The following SPN variants were observed in gnomAD, a reference collection of about 807,000 sequenced individuals.
The protein encoded by SPN is leukosialin.
In SPN, 6 loss-of-function variants were observed where a neutral mutation model predicts 8.4. The observed-to-expected ratio is 0.72, with a 90% confidence interval of 0.39 to 1.42. The LOEUF (loss-of-function observed/expected upper bound fraction) is 1.42. Ranked by LOEUF, SPN falls within the 40% of genes most tolerant of loss-of-function variation. SPN has a pLI of 0.02. For missense variants in SPN, 517 were observed against 530.6 expected (o/e 0.97, Z 0.25); for synonymous variants, 201 against 222.6 (o/e 0.90, Z 0.86).
Position 29,665,077 on chromosome 16 carries a change from A to G in SPN, c.*146A>G, listed in dbSNP as rs1347564981. 10 of 1,003,650 alleles carry G rather than the reference A, an allele frequency of 1.0e-5. No homozygotes were observed. Among genetic ancestry groups the G allele is most frequent in the Non-Finnish European group, 1.3e-5 (10 of 767,052 alleles). The allele number at this position is 1,003,650 out of a possible 1,614,324, so 62.2% of individuals were successfully genotyped here. ...ATCTCCTTTTTTTTTTTCTTTTGAG[A>G]CAGAGTTTCGCTTTGTCGCCCAGGC... On this transcript the variant is annotated 3_prime_UTR_variant, in exon 2 of 2. Transcript: ENST00000652691.
At position 29,668,864 on chromosome 16, in the gene SPN, C is replaced by T. The variant is rs1160115415; in HGVS notation, c.*3933C>T. On this transcript the variant is annotated 3_prime_UTR_variant, in exon 2 of 2. Transcript: ENST00000652691. ...ATAATTAAAAAAAAAAAACGTGGAG[C>T]AGATCCAGCGCAGTGGCTCATGCCT... 1 of 166,402 alleles carries T rather than the reference C, an allele frequency of 6.0e-6. No individual in the cohort carries two copies. The highest frequency in any genetic ancestry group is 1.5e-5 in the Non-Finnish European group (1 of 68,016). The allele number at this position is 166,402 out of a possible 1,614,324, so 10.3% of individuals were successfully genotyped here. A position where few individuals can be genotyped will look rare whatever the true frequency, so the allele number is the denominator to read the frequency against.
rs1966793131 is a variant in SPN at position 29,665,085 on chromosome 16, T to C, written c.*154T>C. The C allele has an allele frequency of 1.1e-6, 1 of 902,260 alleles. No individual in the cohort carries two copies. Among genetic ancestry groups the C allele is most frequent in the South Asian group, 5.8e-5 (1 of 17,378 alleles). The allele number at this position is 902,260 out of a possible 1,614,324, so 55.9% of individuals were successfully genotyped here. A position where few individuals can be genotyped will look rare whatever the true frequency, so the allele number is the denominator to read the frequency against. On this transcript the variant is annotated 3_prime_UTR_variant, in exon 2 of 2. Coordinates refer to ENST00000652691, the MANE Select transcript of SPN (RefSeq NM_003123.6). ...TTTTTTTTTCTTTTGAGACAGAGTT[T>C]CGCTTTGTCGCCCAGGCTGGAGTGC...
rs947291514 is a variant in SPN at position 29,665,676 on chromosome 16, AC to A, written c.*748del. ...AGAGTCTGGGAAGAAGGACAAGAGA[AC>A]CCGGCAAACTCCCTCCTAGGATTAA... On this transcript the variant is annotated 3_prime_UTR_variant, in exon 2 of 2. Transcript: ENST00000652691. 6.0e-6 allele frequency: 1 copy of A among 166,996 alleles called. No homozygotes were observed. Among genetic ancestry groups the A allele is most frequent in the African/African-American group, 2.4e-5 (1 of 41,400 alleles). The allele number at this position is 166,996 out of a possible 1,614,324, so 10.3% of individuals were successfully genotyped here.
Position 29,670,032 on chromosome 16 carries a change from T to A in SPN, c.*5101T>A, listed in dbSNP as rs941969249. On this transcript the variant is annotated 3_prime_UTR_variant, in exon 2 of 2. Transcript: ENST00000652691. ...CATAGACCCCTATCTCTACAAAAAA[T>A]TTGAAATATGAAAAATTAGCCAGGT... 1 of 166,246 alleles carries A rather than the reference T, an allele frequency of 6.0e-6. No homozygotes were observed. Among genetic ancestry groups the A allele is most frequent in the Non-Finnish European group, 1.5e-5 (1 of 68,002 alleles). The allele number at this position is 166,246 out of a possible 1,614,324, so 10.3% of individuals were successfully genotyped here.
chr16:29,663,421 A>C lies in SPN; in HGVS notation c.-35+105A>C. ...TTATGATGGGAAGAGATTGGGAGCC[A>C]TTGGGCTGCACAGGGTCAGGGAAGG... On this transcript the variant is annotated intron_variant, in intron 1 of 1. Coordinates refer to ENST00000652691, the MANE Select transcript of SPN (RefSeq NM_003123.6). This position sits in a 1 kb window ranked among gnomAD's most constrained non-coding sequence, Gnocchi z 4.3. The C allele has an allele frequency of 3.2e-6, 1 of 314,936 alleles. No individual in the cohort carries two copies. The highest frequency in any genetic ancestry group is 6.2e-5 in the East Asian group (1 of 16,242). The allele number at this position is 314,936 out of a possible 1,614,324, so 19.5% of individuals were successfully genotyped here. A position where few individuals can be genotyped will look rare whatever the true frequency, so the allele number is the denominator to read the frequency against.
chr16:29,665,881 G>C lies in SPN; in HGVS notation c.*950G>C, dbSNP rs2142282176. On this transcript the variant is annotated 3_prime_UTR_variant, in exon 2 of 2. Coordinates refer to ENST00000652691, the MANE Select transcript of SPN (RefSeq NM_003123.6). ...GGCACATGGACTGTAGGCTGGCCCT[G>C]GCCCACACCACCACACTCTCCCCAG... 6.0e-6 allele frequency: 1 copy of C among 167,252 alleles called. No homozygotes were observed. Among genetic ancestry groups the C allele is most frequent in the African/African-American group, 2.4e-5 (1 of 41,570 alleles). 10.4% of individuals were successfully genotyped at this position (167,252 alleles called of 1,614,324 possible). A position where few individuals can be genotyped will look rare whatever the true frequency, so the allele number is the denominator to read the frequency against.
chr16:29,663,778 C>T lies in SPN; in HGVS notation c.50C>T (p.Ala17Val). The change falls in exon 2 of 2, where the codon GCT (alanine) becomes GTT (valine). Residue 17 changes from alanine to valine, a missense_variant. By Grantham distance (64) the Ala-to-Val change is moderately conservative (BLOSUM62 0). Transcript: ENST00000652691. This position sits in a 1 kb window ranked among gnomAD's most constrained non-coding sequence, Gnocchi z 4.3. ...GGGGTGCTGGTGGTAAGCCCAGACG[C>T]TCTGGGGAGCACAACAGCAGTGCAG... is the stretch of plus-strand genomic sequence containing the variant. ...LLGVLVVSPD[A>V]LGSTTAVQTP... 3 of 1,611,172 alleles carry T rather than the reference C, an allele frequency of 1.9e-6. No individual in the cohort carries two copies. The highest frequency in any genetic ancestry group is 2.5e-6 in the Non-Finnish European group (3 of 1,178,948).
rs969840035 is a variant in SPN, at chr16:29,667,168, G to A, written c.*2237G>A. ...GGCACCCACTGGGCTGCATCTGGTG[G>A]CCTTTTCTGATTGCTATTTGGACTC... On this transcript the variant is annotated 3_prime_UTR_variant, in exon 2 of 2. Coordinates refer to ENST00000652691, the MANE Select transcript of SPN (RefSeq NM_003123.6). 2.6e-5 allele frequency: 10 copies of A among 385,530 alleles called. No homozygotes were observed. Among genetic ancestry groups the A allele is most frequent in the African/African-American group, 1.5e-4 (7 of 47,306 alleles). 23.9% of individuals were successfully genotyped at this position (385,530 alleles called of 1,614,324 possible).
Position 29,669,374 on chromosome 16 carries a change from T to C in SPN, c.*4443T>C, listed in dbSNP as rs1242752570. ...GCACCACCAAACCCGGATAATTTTG[T>C]ATTTTTAGTAGAGATGGGGTTTCAC... On this transcript the variant is annotated 3_prime_UTR_variant, in exon 2 of 2. Transcript: ENST00000652691. 6.1e-6 allele frequency: 1 copy of C among 164,164 alleles called. No individual in the cohort carries two copies. Among genetic ancestry groups the C allele is most frequent in the Non-Finnish European group, 1.5e-5 (1 of 67,880 alleles). The allele number at this position is 164,164 out of a possible 1,614,324, so 10.2% of individuals were successfully genotyped here.
chr16:29,663,822 C>T lies in SPN; in HGVS notation c.94C>T (p.Pro32Ser), dbSNP rs754889845. 1.2e-5 allele frequency: 19 copies of T among 1,614,082 alleles called. No individual in the cohort carries two copies. In the East Asian group the frequency reaches 1.3e-4, roughly 11 times the overall value. The change falls in exon 2 of 2, where the codon CCT (proline) becomes TCT (serine). Residue 32 changes from proline (P) to serine (S), a missense_variant. Pro to Ser is a moderately conservative substitution (Grantham distance 74, BLOSUM62 -1). Coordinates refer to ENST00000652691, the MANE Select transcript of SPN (RefSeq NM_003123.6). This position sits in a 1 kb window ranked among gnomAD's most constrained non-coding sequence, Gnocchi z 4.3. ...AGTGCAGACACCCACCTCCGGAGAG[C>T]CTTTGGTCTCTACTAGCGAGCCCCT... ...TAVQTPTSGE[P>S]LVSTSEPLSS...
rs568122397 is a variant in SPN, at chr16:29,664,937, G to A, written c.*6G>A. On this transcript the variant is annotated 3_prime_UTR_variant, in exon 2 of 2. Transcript: ENST00000652691. The surrounding 1 kb of genome is among the most constrained non-coding windows in gnomAD (Gnocchi z 6.4). ...GAGACGGGGCTGCCCCTTAAGTGTCGGTGAATAGTGAGGCTGGAGGCCGGA... is the reference window on the plus strand; with the variant it reads ...GAGACGGGGCTGCCCCTTAAGTGTCAGTGAATAGTGAGGCTGGAGGCCGGA... 2.5e-5 allele frequency: 34 copies of A among 1,372,112 alleles called. No homozygotes were observed. In the Admixed American group the frequency reaches 2.8e-4, roughly 11 times the overall value. The allele number at this position is 1,372,112 out of a possible 1,614,324, so 85.0% of individuals were successfully genotyped here. A position where few individuals can be genotyped will look rare whatever the true frequency, so the allele number is the denominator to read the frequency against.
At position 29,664,653 on chromosome 16, in the gene SPN, G is replaced by T. The variant is rs772755190; in HGVS notation, c.925G>T (p.Val309Phe). 1.2e-5 allele frequency: 19 copies of T among 1,536,488 alleles called. No individual in the cohort carries two copies. The highest frequency in any genetic ancestry group is 1.7e-5 in the Non-Finnish European group (19 of 1,145,294). Reference sequence around the variant, plus strand: ...GGACGCCTGGGCTGGGCCAGCCCAGGTCCCTGAGGAGGGGGCCGTGACAGT... The same window carrying T: ...GGACGCCTGGGCTGGGCCAGCCCAGTTCCCTGAGGAGGGGGCCGTGACAGT... ...VVDAWAGPAQ[V>F]PEEGAVTVTV... is the part of the protein sequence containing the mutation. The change falls in exon 2 of 2, where the codon GTC becomes TTC. Residue 309 changes from valine (V) to phenylalanine (F), a missense_variant. Physicochemically the swap from Val to Phe is conservative, Grantham distance 50. Transcript: ENST00000652691. The surrounding 1 kb of genome is among the most constrained non-coding windows in gnomAD (Gnocchi z 6.4).
At position 29,670,012 on chromosome 16, in the gene SPN, AC is replaced by A. The variant is rs2142286443; in HGVS notation, c.*5085del. The A allele has an allele frequency of 6.0e-6, 1 of 166,870 alleles. No homozygotes were observed. The highest frequency in any genetic ancestry group is 2.1e-4 in the South Asian group (1 of 4,814). The allele number at this position is 166,870 out of a possible 1,614,324, so 10.3% of individuals were successfully genotyped here. A position where few individuals can be genotyped will look rare whatever the true frequency, so the allele number is the denominator to read the frequency against. On this transcript the variant is annotated 3_prime_UTR_variant, in exon 2 of 2. Coordinates refer to ENST00000652691, the MANE Select transcript of SPN (RefSeq NM_003123.6). Reference sequence around the variant, plus strand: ...TTGGAGACCAGCCTGGGCAACATAGACCCCTATCTCTACAAAAAATTTGAAA... The same window carrying A: ...TTGGAGACCAGCCTGGGCAACATAGACCCTATCTCTACAAAAAATTTGAAA...
chr16:29,664,315 C>T lies in SPN; in HGVS notation c.587C>T (p.Thr196Ile), dbSNP rs1165806282. 3.7e-6 allele frequency: 6 copies of T among 1,613,460 alleles called. No homozygotes were observed. Among genetic ancestry groups the T allele is most frequent in the Non-Finnish European group, 5.1e-6 (6 of 1,179,998 alleles). ...ACCATGGCAACTGACTCTCTGGAGA[C>T]CTCCACTGGGACCACTGGACCCCCT... ...PVTMATDSLE[T>I]STGTTGPPVT... Residue 196 changes from threonine to isoleucine, a missense_variant, in exon 2 of 2, where the codon ACC becomes ATC. Thr to Ile is a moderately conservative substitution (Grantham distance 89). Coordinates refer to ENST00000652691, the MANE Select transcript of SPN (RefSeq NM_003123.6). The surrounding 1 kb of genome is among the most constrained non-coding windows in gnomAD (Gnocchi z 6.4).
At position 29,667,693 on chromosome 16, in the gene SPN, T is replaced by G. The variant is rs947504389; in HGVS notation, c.*2762T>G. 1 of 152,372 alleles carries G rather than the reference T, an allele frequency of 6.6e-6. No individual in the cohort carries two copies. The highest frequency in any genetic ancestry group is 1.9e-4 in the East Asian group (1 of 5,188). The allele number at this position is 152,372 out of a possible 1,614,324, so 9.4% of individuals were successfully genotyped here. A position where few individuals can be genotyped will look rare whatever the true frequency, so the allele number is the denominator to read the frequency against. ...TAGGAGGCTGAGGCCAGAGAATTGC[T>G]TGAACCCTGGAGTCAGAGGTTGCAG... On this transcript the variant is annotated 3_prime_UTR_variant, in exon 2 of 2. Coordinates refer to ENST00000652691, the MANE Select transcript of SPN (RefSeq NM_003123.6).
At position 29,664,437 on chromosome 16, in the gene SPN, TC is replaced by T; in HGVS notation, c.711del (p.Thr238ProfsTer31). 1.2e-6 allele frequency: 2 copies of T among 1,614,182 alleles called. No individual in the cohort carries two copies. Among genetic ancestry groups the T allele is most frequent in the Non-Finnish European group, 1.7e-6 (2 of 1,180,032 alleles). ...ATCTACAATGATGTCTCCAACGACC[TC>T]CACCAACGCAAGCACTGTGCCCTTC... ...KLSTMMSPTTSTNASTVPFRN... is the reference protein window; with the variant it reads ...KLSTMMSPTTXTNASTVPFRN... On this transcript the variant is annotated frameshift_variant, in exon 2 of 2. Transcript: ENST00000652691. LOFTEE classifies it high-confidence loss of function. The surrounding 1 kb of genome is among the most constrained non-coding windows in gnomAD (Gnocchi z 6.4).
Position 29,665,810 on chromosome 16 carries a change from G to A in SPN, c.*879G>A, listed in dbSNP as rs1200588596. On this transcript the variant is annotated 3_prime_UTR_variant, in exon 2 of 2. Transcript: ENST00000652691. ...AGGCCAGCCTGGAGCATGGCTGGGT[G>A]GGGCCACCAGCCCATGCTCTCAGGC... 1 of 166,962 alleles carries A rather than the reference G, an allele frequency of 6.0e-6. No individual in the cohort carries two copies. The highest frequency in any genetic ancestry group is 2.4e-5 in the African/African-American group (1 of 41,468). 10.3% of individuals were successfully genotyped at this position (166,962 alleles called of 1,614,324 possible). A position where few individuals can be genotyped will look rare whatever the true frequency, so the allele number is the denominator to read the frequency against.
In SPN at chr16:29,664,031, G is replaced by T; in HGVS notation, c.303G>T (p.Lys101Asn). The change falls in exon 2 of 2, where the codon AAG becomes AAT. Residue 101 changes from lysine (K) to asparagine (N), a missense_variant. Lys to Asn is a moderately conservative substitution (Grantham distance 94). Coordinates refer to ENST00000652691, the MANE Select transcript of SPN (RefSeq NM_003123.6). The surrounding 1 kb of genome is among the most constrained non-coding windows in gnomAD (Gnocchi z 6.4). Reference sequence around the variant, plus strand: ...CAACCTACCAGGAAGTTTCCATCAAGATGTCATCAGTGCCCCAGGAAACCC... The same window carrying T: ...CAACCTACCAGGAAGTTTCCATCAATATGTCATCAGTGCCCCAGGAAACCC... ...EPTTYQEVSI[K>N]MSSVPQETPH... 6.2e-7 allele frequency: 1 copy of T among 1,613,998 alleles called. No individual in the cohort carries two copies. The highest frequency in any genetic ancestry group is 8.5e-7 in the Non-Finnish European group (1 of 1,180,014).
rs1966851015 is a variant in SPN at position 29,670,864 on chromosome 16, C to T, written c.*5933C>T. On this transcript the variant is annotated 3_prime_UTR_variant, in exon 2 of 2. Transcript: ENST00000652691. ...ATACAATAAATATCTGTTACTTTTA[C>T]AATATGAAAAAATAGTGGTCAAAAA... is the stretch of plus-strand genomic sequence containing the variant. 4.4e-6 allele frequency: 2 copies of T among 450,370 alleles called. No individual in the cohort carries two copies. The highest frequency in any genetic ancestry group is 8.9e-6 in the Non-Finnish European group (2 of 224,176). The allele number at this position is 450,370 out of a possible 1,614,324, so 27.9% of individuals were successfully genotyped here.
Sources: allele counts gnomAD v4.1 joint callset, GRCh38; gene constraint gnomAD v4.1.1; non-coding constraint Gnocchi (gnomAD v3.1); transcripts MANE v1.5; gene names NCBI Gene and HGNC (gene_info 2026-07-23, HGNC 2026-07-21).